RTTN: variants seen among roughly 807,000 people sequenced by gnomAD.
The protein encoded by RTTN is rotatin.
RTTN carries 182 observed loss-of-function variants against 269.2 expected under a neutral mutation model. The observed-to-expected ratio is 0.68, with a 90% CI of 0.60 to 0.76. The LOEUF (loss-of-function observed/expected upper bound fraction) is 0.76, where lower values mean the gene tolerates loss of function less well. Among genes scored for constraint, RTTN ranks in the 30% least tolerant of loss-of-function variants. The pLI, the probability that RTTN is intolerant of heterozygous loss-of-function variation, is 0.00. For synonymous variants in RTTN, 1,006 were observed against 963.5 expected, an observed-to-expected ratio of 1.04 and a Z score of -0.82; for missense variants, 2,545 against 2,608.6, an observed-to-expected ratio of 0.98 and a Z score of 0.53.
rs574520072 is a variant in RTTN, at chr18:70,075,266, A to T, written c.4564+86T>A. On this transcript the variant is annotated intron_variant, in intron 33 of 48. Coordinates refer to ENST00000640769, the MANE Select transcript of RTTN (RefSeq NM_173630.4). The stretch of plus-strand genomic sequence containing the variant: ...TTTTCCCTGTATACTTTCATTTTTC[A>T]AATTTTTAAAACAAATATATGTATT... The T allele has an allele frequency of 3.0e-5, 30 of 983,860 alleles. 1 individual carries two copies. The South Asian group carries it at 4.9e-4, about 16-fold the overall frequency. The allele number at this position is 983,860 out of a possible 1,614,324, so 60.9% of individuals were successfully genotyped here.
chr18:70,074,745 T>C (rs2058383723), intron 33 of RTTN: 1 of 151,536 alleles, frequency 6.6e-6, no homozygotes, highest in Admixed American at 6.6e-5. Context: ...TACTATTTAT[T>C]ACAAGATATA....
chr18:70,202,548 C>A (rs558605756), intron 3 of RTTN, among the ~76,000 whole-genome samples: 1 of 152,200 alleles, frequency 6.6e-6, no homozygotes, highest in Non-Finnish European at 1.5e-5. Flanking sequence ...ACATTTAGCC[C>A]TAAACCATTC....
chr18:70,086,985 A>G (rs1418296083), intron 31 of RTTN, among the ~76,000 whole-genome samples: 2 of 152,110 alleles, frequency 1.3e-5, no homozygotes, highest in African/African-American at 2.4e-5. Flanking sequence ...AATGATTTGT[A>G]TAACATAAAT....
chr18:70,174,873 C>T (rs1211455504), intron 11 of RTTN, among the ~76,000 whole-genome samples: 1 of 149,154 alleles, frequency 6.7e-6, no homozygotes, highest in African/African-American at 2.5e-5. Flanking sequence ...AAAAAAAATA[C>T]GAAAATTAGC....
At position 70,127,503 on chromosome 18, in the gene RTTN, T is replaced by C; in HGVS notation, c.3382A>G (p.Arg1128Gly). ...KSLAWHTALN[R>G]FLQVLPACTE... ...TGGCAGCCTTGACCTTACACTGACC[T>C]GTTTAGTGCGGTGTGCCAAGCCAAG... Residue 1128 changes from arginine (R) to glycine (G), a missense_variant and splice_region_variant, in exon 25 of 49, where the codon AGG becomes GGG. Physicochemically the swap from Arg to Gly is moderately radical, Grantham distance 125. Coordinates refer to ENST00000640769, the MANE Select transcript of RTTN (RefSeq NM_173630.4). 6.2e-7 allele frequency: 1 copy of C among 1,613,188 alleles called. No individual in the cohort carries two copies. The highest frequency in any genetic ancestry group is 8.5e-7 in the Non-Finnish European group (1 of 1,179,492).
chr18:70,124,073 C>CT (rs2059803246), intron 25 of RTTN, among the ~76,000 whole-genome samples: 1 of 148,860 alleles, frequency 6.7e-6, no homozygotes, highest in Non-Finnish European at 1.5e-5. Flanking sequence ...TAAAGTCTAT[C>CT]TAAAAAAAAA....
intron 19 of RTTN, 125 bp downstream of exon 19, chr18:70,142,163 C>CA (rs1459498907): frequency 1.1e-4 from 68 of 615,896 alleles, no homozygotes; most frequent in South Asian, 1.5e-4. Flanking sequence ...TGAGGGCTGT[C>CA]AAAAAAAAGG....
intron 39 of RTTN, 70 bp downstream of exon 39, chr18:70,051,341 C>G: frequency 6.7e-7 from 1 of 1,492,714 alleles, no homozygotes; most frequent in Non-Finnish European, 9.0e-7. Flanking sequence ...ATTTACATAC[C>G]TAAACAGGCA....
intron 14 of RTTN, among the ~76,000 whole-genome samples, chr18:70,165,485 A>G (rs1355941467): frequency 6.6e-6 from 1 of 151,934 alleles, no homozygotes; most frequent in Non-Finnish European, 1.5e-5. Flanking sequence ...GGCAAAATGT[A>G]AACACTTATT....
chr18:70,155,483 G>A (rs2060648922), intron 14 of RTTN, among the ~76,000 whole-genome samples: 1 of 152,240 alleles, frequency 6.6e-6, no homozygotes, highest in Non-Finnish European at 1.5e-5. Context: ...TAGAGGACTT[G>A]TTCCTGGCCT....
At chr18:70,165,390 T>C in intron 14 of RTTN, among the ~76,000 whole-genome samples, 1 of 151,818 alleles carries the variant, frequency 6.6e-6, no homozygotes, top group Non-Finnish European at 1.5e-5. Context: ...GTGGCTAGGC[T>C]ATGCTGGTGG....
chr18:70,054,126 C>G lies in RTTN; in HGVS notation c.5185+5G>C. ...TACATTCTAAACTAAAACAATTAAG[C>G]TTACCTAATACATCTTTGGTACATA... On this transcript the variant is annotated splice_donor_5th_base_variant and intron_variant, in intron 38 of 48. Transcript: ENST00000640769. 1 of 1,608,266 alleles carries G rather than the reference C, an allele frequency of 6.2e-7. No individual in the cohort carries two copies.
rs11877021 is a variant in RTTN, at chr18:70,204,524, T to C, written c.220-261A>G. On this transcript the variant is annotated intron_variant, in intron 2 of 48. Coordinates refer to ENST00000640769, the MANE Select transcript of RTTN (RefSeq NM_173630.4). ...AATGCACATTATCAATCCCTACTCT[T>C]ATTTTTTTAATGGGTTACTTTTTTC... Among the ~76,000 whole-genome samples the C allele has an allele frequency of 0.019, 2,942 of 152,240 alleles. 93 individuals are homozygous for C. The highest frequency in any genetic ancestry group is 0.066 in the African/African-American group (2,724 of 41,520).
chr18:70,136,488 T>C (rs1233789291), intron 21 of RTTN, among the ~76,000 whole-genome samples: 1 of 151,816 alleles, frequency 6.6e-6, no homozygotes, highest in Admixed American at 6.6e-5. Flanking sequence ...GCATAAGGAT[T>C]GTGCCTATCT....
In RTTN at chr18:70,128,364, G is replaced by A. The variant is rs200976618; in HGVS notation, c.3137C>T (p.Thr1046Met). Residue 1046 changes from threonine (T) to methionine (M), a missense_variant, in exon 24 of 49, where the codon ACG (threonine) becomes ATG (methionine). Transcript: ENST00000640769. ...AACTAATATAAGAGCTTACTCTTGC[G>A]TTTTAGTTTCAGAGTTCATTTGCTT... is the stretch of plus-strand genomic sequence containing the variant. ...LLKQMNSETK[T>M]QEILDALKLS... 114 of 1,610,226 alleles carry A rather than the reference G, an allele frequency of 7.1e-5. No individual in the cohort carries two copies. The highest frequency in any genetic ancestry group is 3.3e-4 in the Middle Eastern group (2 of 6,028).
At position 70,114,517 on chromosome 18, in the gene RTTN, C is replaced by G. The variant is rs1323410546; in HGVS notation, c.3611G>C (p.Arg1204Thr). 1.2e-6 allele frequency: 2 copies of G among 1,613,676 alleles called. No homozygotes were observed. The highest frequency in any genetic ancestry group is 8.5e-7 in the Non-Finnish European group (1 of 1,179,662). The stretch of plus-strand genomic sequence containing the variant: ...AATCAGTTCTTTCTGAAGTTGTTGC[C>G]TGACAGCAGTCCGGATATCATCTGT... ...EETDDIRTAV[R>T]QQLQKELIAL... The change falls in exon 27 of 49, where the codon AGG becomes ACG. Residue 1204 changes from arginine to threonine, a missense_variant. Arg to Thr is a moderately conservative substitution (Grantham distance 71). Transcript: ENST00000640769.
intron 10 of RTTN, among the ~76,000 whole-genome samples, chr18:70,180,591 GAA>G (rs34828958): frequency 1.2e-4 from 11 of 95,038 alleles, no homozygotes; most frequent in Admixed American, 2.9e-4. Flanking sequence ...CTGGGGAAGA[GAA>G]AAAAAAAAAA....
rs527761884 is a variant in RTTN, at chr18:70,139,581, A to G, written c.2788+18T>C. 7 of 1,398,316 alleles carry G rather than the reference A, an allele frequency of 5.0e-6. No homozygotes were observed. The highest frequency in any genetic ancestry group is 6.0e-6 in the Non-Finnish European group (6 of 993,786). 86.6% of individuals were successfully genotyped at this position (1,398,316 alleles called of 1,614,324 possible). A position where few individuals can be genotyped will look rare whatever the true frequency, so the allele number is the denominator to read the frequency against. Reference sequence around the variant, plus strand: ...ATTTAAGAACAATCTAATTATTAGCAGATTTTCTTTTATTTACCTCTGAAT... The same window carrying G: ...ATTTAAGAACAATCTAATTATTAGCGGATTTTCTTTTATTTACCTCTGAAT... On this transcript the variant is annotated intron_variant, in intron 21 of 48. Transcript: ENST00000640769.
At position 70,164,377 on chromosome 18, in the gene RTTN, AT is replaced by A. The variant is rs113753514; in HGVS notation, c.1929+1684del. On this transcript the variant is annotated intron_variant, in intron 14 of 48. Coordinates refer to ENST00000640769, the MANE Select transcript of RTTN (RefSeq NM_173630.4). The stretch of plus-strand genomic sequence containing the variant: ...CAGGCACATGCCACCATGCCCAGCT[AT>A]TTTTTTTTTTTTTCTTGTACAAACA... 8.2e-3 allele frequency among the ~76,000 whole-genome samples: 1,146 copies of A among 139,946 alleles called. 2 individuals carry two copies. Among genetic ancestry groups the A allele is most frequent in the Non-Finnish European group, 0.012 (764 of 64,052 alleles). The allele number at this position is 139,946 out of a possible 152,430, so 91.8% of individuals were successfully genotyped here.
Sources: gnomAD v4.1 joint callset for allele counts (sites outside exome capture counted in the v4.1 genomes callset) on GRCh38, gnomAD v4.1.1 for gene constraint, MANE v1.5 for transcripts, NCBI Gene and HGNC (gene_info 2026-07-23, HGNC 2026-07-21) for gene names.